Variants in IAH1 observed in about 807,000 individuals in gnomAD.
IAH1 encodes the protein isoamyl acetate-hydrolyzing esterase 1 homolog.
In IAH1, 24 loss-of-function variants were observed where a neutral mutation model predicts 26.7. The observed-to-expected ratio is 0.90, with a 90% CI of 0.65 to 1.26. IAH1 has a LOEUF of 1.26. IAH1 is among the 50% of genes most tolerant of loss of function. The pLI, the probability that IAH1 is intolerant of heterozygous loss-of-function variation, is 0.00. For synonymous variants in IAH1, 140 were observed against 118.5 expected (o/e 1.18, Z -1.18); for missense variants, 300 against 299.9 (o/e 1.00, Z 0.00).
intron 1 of IAH1, chr2:9,475,036 C>T (rs1443747931): frequency 2.6e-6 from 3 of 1,139,120 alleles, no homozygotes; most frequent in East Asian, 6.5e-5. Context: ...CCCAGGAGGC[C>T]CCGCGGCCAG....
At chr2:9,475,260 T>C in intron 1 of IAH1, 2 of 1,202,366 alleles carry the variant, frequency 1.7e-6, no homozygotes, top group Non-Finnish European at 2.2e-6. Flanking sequence ...TTCCTGTGTG[T>C]GTCCTCTTCT....
chr2:9,501,618 T>C, the IAH1 span, among the ~76,000 whole-genome samples: 1 of 152,170 alleles, frequency 6.6e-6, no homozygotes, highest in African/African-American at 2.4e-5. Context: ...TAGATACATA[T>C]AGAAAAACTG....
At chr2:9,507,401 C>T in the IAH1 span, among the ~76,000 whole-genome samples, 1 of 152,036 alleles carries the variant, frequency 6.6e-6, no homozygotes, top group African/African-American at 2.4e-5. Flanking sequence ...ACTCAGGAGG[C>T]TAAGGCAGGA....
chr2:9,496,088 A>G (rs1432124691), intron 6 of IAH1, among the ~76,000 whole-genome samples: 1 of 151,882 alleles, frequency 6.6e-6, no homozygotes, highest in African/African-American at 2.4e-5. Flanking sequence ...GATTTTATTT[A>G]ACTACCGGGT....
the IAH1 span, among the ~76,000 whole-genome samples, chr2:9,507,889 T>G: frequency 4.6e-5 from 7 of 152,134 alleles, no homozygotes; most frequent in African/African-American, 1.7e-4. Context: ...ATTTTTGTAT[T>G]TTCTGTAGAG....
At chr2:9,484,899 G>A (rs567449844) in intron 5 of IAH1, 299 of 193,030 alleles carry the variant, frequency 1.5e-3, no homozygotes, top group African/African-American at 6.7e-3. Context: ...TTTAAATACA[G>A]TATTGGCTAA....
intron 4 of IAH1, among the ~76,000 whole-genome samples, chr2:9,482,414 G>T (rs1288177967): frequency 3.0e-4 from 45 of 152,150 alleles, no homozygotes; most frequent in Admixed American, 2.9e-3. Flanking sequence ...TCAAAGTGTG[G>T]TCTGACTCTG....
chr2:9,475,650 G>A (rs939399997), intron 1 of IAH1: 1 of 325,338 alleles, frequency 3.1e-6, no homozygotes, highest in Non-Finnish European at 5.8e-6. Context: ...ATAGACGTGC[G>A]CCACCACACC....
intron 4 of IAH1, among the ~76,000 whole-genome samples, chr2:9,483,745 G>A (rs1359664550): frequency 6.6e-6 from 1 of 152,122 alleles, no homozygotes; most frequent in Non-Finnish European, 1.5e-5. Flanking sequence ...AGCTCCCTGG[G>A]AGGATGAGGC....
At chr2:9,506,617 G>C in the IAH1 span, among the ~76,000 whole-genome samples, 1 of 151,956 alleles carries the variant, frequency 6.6e-6, no homozygotes, top group South Asian at 2.1e-4. Flanking sequence ...TGCCCACCTC[G>C]GTCTCCAAAG....
chr2:9,510,479 C>T, the IAH1 span, among the ~76,000 whole-genome samples: 1 of 151,944 alleles, frequency 6.6e-6, no homozygotes, highest in African/African-American at 2.4e-5. Flanking sequence ...GCCTGGCCAA[C>T]ATGGTGAAAC....
At chr2:9,491,811 A>C (rs1378398306), downstream of IAH1, among the ~76,000 whole-genome samples, 1 of 152,208 alleles carries the variant, frequency 6.6e-6, no homozygotes, top group African/African-American at 2.4e-5. Flanking sequence ...GACCAAAAAC[A>C]AGCCATGGCC....
the IAH1 span, among the ~76,000 whole-genome samples, chr2:9,501,636 T>C: frequency 6.6e-6 from 1 of 152,202 alleles, no homozygotes; most frequent in Non-Finnish European, 1.5e-5. Context: ...CTGGTTACCC[T>C]TCTAACTTGT....
At chr2:9,490,220 A>T (rs1662009471), downstream of IAH1, 2 of 1,600,006 alleles carry the variant, frequency 1.3e-6, no homozygotes, top group African/African-American at 1.3e-5. Flanking sequence ...CTGACGCTGC[A>T]GTTTAAAGGA....
chr2:9,490,969 A>G (rs1662089588), downstream of IAH1: 1 of 776,332 alleles, frequency 1.3e-6, no homozygotes, highest in Non-Finnish European at 2.1e-6. Context: ...AAACATTCCA[A>G]CCTAGACCCT....
the IAH1 span, among the ~76,000 whole-genome samples, chr2:9,503,159 GA>G: frequency 1.1e-3 from 153 of 139,242 alleles, no homozygotes; most frequent in African/African-American, 2.5e-3. Flanking sequence ...AAAAGACAAG[GA>G]AAAAAAAAAA....
At position 9,489,642 on chromosome 2, in the gene IAH1, A is replaced by C. The variant is rs1255416422; in HGVS notation, c.*1313A>C. On this transcript the variant is annotated 3_prime_UTR_variant, in exon 6 of 6. Transcript: ENST00000497473. ...GATATATATTTTCCCTGCTACATAAAAACTCTGGGTAATAACTAGAAATAG... is the reference window on the plus strand; with the variant it reads ...GATATATATTTTCCCTGCTACATAACAACTCTGGGTAATAACTAGAAATAG... 6.6e-6 allele frequency: 1 copy of C among 152,120 alleles called. No homozygotes were observed. Among genetic ancestry groups the C allele is most frequent in the Non-Finnish European group, 1.5e-5 (1 of 67,984 alleles). 9.4% of individuals were successfully genotyped at this position (152,120 alleles called of 1,614,324 possible).
chr2:9,475,370 A>T (rs1682424321), intron 1 of IAH1, among the ~76,000 whole-genome samples: 1 of 152,152 alleles, frequency 6.6e-6, no homozygotes, highest in Admixed American at 6.5e-5. Context: ...ATTCCATGGG[A>T]ATGTGTATGA....
At chr2:9,492,352 A>C (rs1360174069), downstream of IAH1, among the ~76,000 whole-genome samples, 1 of 152,218 alleles carries the variant, frequency 6.6e-6, no homozygotes, top group African/African-American at 2.4e-5. Flanking sequence ...GCCCAATTCA[A>C]CTTGTAGCTG....
Sources: allele counts gnomAD v4.1 joint callset (sites outside exome capture counted in the v4.1 genomes callset), GRCh38; gene constraint gnomAD v4.1.1; transcripts MANE v1.5; gene names NCBI Gene and HGNC (gene_info 2026-07-23, HGNC 2026-07-21).